KDM4C: variants seen among roughly 807,000 people sequenced by gnomAD.
KDM4C encodes lysine demethylase 4C.
A neutral mutation model predicts 129.3 loss-of-function variants in KDM4C; 81 were observed. That is an observed-to-expected ratio of 0.63 (90% CI 0.52 to 0.75). The LOEUF is 0.75. KDM4C is among the 30% of genes least tolerant of loss of function. The pLI is 0.00. For missense variants in KDM4C, 1,457 were observed against 1,304.0 expected (o/e 1.12, Z -1.81); for synonymous variants, 573 against 456.1 (o/e 1.26, Z -3.26).
At chr9:7,120,993 A>C (rs1301373420) in intron 18 of KDM4C, among the ~76,000 whole-genome samples, 1 of 152,224 alleles carries the variant, frequency 6.6e-6, no homozygotes, top group Non-Finnish European at 1.5e-5. Flanking sequence ...TCCATGAAAA[A>C]TACAGAGAAA....
chr9:6,757,731 C>T (rs754524308), upstream of KDM4C: 34 of 985,640 alleles, frequency 3.4e-5, no homozygotes, highest in Non-Finnish European at 4.0e-5. Flanking sequence ...CGCTTCCGGG[C>T]AAGGTTCTGT....
At chr9:6,755,693 T>C (rs1054455062), upstream of KDM4C, among the ~76,000 whole-genome samples, 5 of 152,208 alleles carry the variant, frequency 3.3e-5, no homozygotes, top group Admixed American at 6.5e-5. Flanking sequence ...TATATTGCAA[T>C]TGGGATTTAA....
At chr9:6,940,248 G>T (rs1350830553) in intron 8 of KDM4C, among the ~76,000 whole-genome samples, 1 of 152,076 alleles carries the variant, frequency 6.6e-6, no homozygotes, top group African/African-American at 2.4e-5. Context: ...GTGCCATCAT[G>T]ACCAGCTAAT....
intron 1 of KDM4C, among the ~76,000 whole-genome samples, chr9:6,732,905 G>A (rs1231778924): frequency 6.6e-6 from 1 of 152,140 alleles, no homozygotes; most frequent in Admixed American, 6.6e-5. Flanking sequence ...CCCAGCTACT[G>A]GGGAGGCTGA....
At chr9:6,820,280 G>GA (rs1275092092) in intron 4 of KDM4C, among the ~76,000 whole-genome samples, 1 of 152,184 alleles carries the variant, frequency 6.6e-6, no homozygotes, top group African/African-American at 2.4e-5. Context: ...TGAAAGGAGA[G>GA]AGAGTGAAAG....
At chr9:6,894,460 C>T (rs1377865689) in intron 8 of KDM4C, among the ~76,000 whole-genome samples, 1 of 152,194 alleles carries the variant, frequency 6.6e-6, no homozygotes, top group African/African-American at 2.4e-5. Flanking sequence ...GTAATGCTTG[C>T]ATCTGCCTTG....
intron 12 of KDM4C, among the ~76,000 whole-genome samples, chr9:7,005,582 C>T (rs1185398928): frequency 6.6e-6 from 1 of 152,104 alleles, no homozygotes; most frequent in African/African-American, 2.4e-5. Flanking sequence ...TTTGCAAACT[C>T]TCAAGGCTTC....
intron 10 of KDM4C, among the ~76,000 whole-genome samples, chr9:6,985,631 A>C (rs1365949172): frequency 6.6e-6 from 1 of 152,202 alleles, no homozygotes; most frequent in African/African-American, 2.4e-5. Flanking sequence ...AATTACAACA[A>C]ATGCAGAATA....
intron 17 of KDM4C, chr9:7,077,076 C>G (rs957389870): frequency 6.6e-5 from 65 of 985,380 alleles, no homozygotes; most frequent in Non-Finnish European, 6.9e-5. Flanking sequence ...AAAACTATCA[C>G]TCATTCATCA....
At chr9:6,978,953 T>A (rs1382377936) in intron 8 of KDM4C, 1 of 152,060 alleles carries the variant, frequency 6.6e-6, no homozygotes, top group Non-Finnish European at 1.5e-5. Context: ...AAGGTTTTTT[T>A]TTCTGAGACA....
Position 7,049,147 on chromosome 9 carries a change from C to T in KDM4C, c.2371C>T (p.Pro791Ser), listed in dbSNP as rs1829815057. 6.2e-7 allele frequency: 1 copy of T among 1,612,244 alleles called. No individual in the cohort carries two copies. The highest frequency in any genetic ancestry group is 1.3e-5 in the African/African-American group (1 of 74,766). Reference sequence around the variant, plus strand: ...CCCAGAAGTTCGATTCACTAATGTCCCAGAAAGGACACAAATAGATGTAGG... The same window carrying T: ...CCCAGAAGTTCGATTCACTAATGTCTCAGAAAGGACACAAATAGATGTAGG... ...AVPEVRFTNV[P>S]ERTQIDVGRI... Residue 791 changes from proline to serine, a missense_variant, in exon 17 of 22, where the codon CCA (proline) becomes TCA (serine). Coordinates refer to ENST00000381309, the MANE Select transcript of KDM4C (RefSeq NM_015061.6).
At chr9:6,786,408 C>T (rs999869765) in intron 1 of KDM4C, among the ~76,000 whole-genome samples, 9 of 152,094 alleles carry the variant, frequency 5.9e-5, no homozygotes, top group African/African-American at 2.2e-4. Context: ...CTATAAATAT[C>T]GTTTTTGCTG....
At chr9:7,061,571 C>A (rs571404972) in intron 17 of KDM4C, among the ~76,000 whole-genome samples, 1 of 152,268 alleles carries the variant, frequency 6.6e-6, no homozygotes, top group South Asian at 2.1e-4. Context: ...GTCAGGTTCT[C>A]TAGAGAAGAC....
intron 19 of KDM4C, among the ~76,000 whole-genome samples, chr9:7,159,961 G>C (rs1043150582): frequency 2.6e-5 from 4 of 152,132 alleles, no homozygotes; most frequent in Admixed American, 6.5e-5. Flanking sequence ...ATCACTTTCA[G>C]GTACACCAAT....
At chr9:6,745,633 C>G (rs1817848857) in intron 1 of KDM4C, among the ~76,000 whole-genome samples, 1 of 148,986 alleles carries the variant, frequency 6.7e-6, no homozygotes, top group Non-Finnish European at 1.5e-5. Context: ...TGTTACATTA[C>G]ATTATATTTT....
Position 6,941,255 on chromosome 9 carries a change from G to A in KDM4C, c.922-39670G>A, listed in dbSNP as rs1589224418. ...AACTCCTGACCTCAAGTGATCTGCCGGCCTCAGCCTCCCAGAGTTCTGGGA... is the reference window on the plus strand; with the variant it reads ...AACTCCTGACCTCAAGTGATCTGCCAGCCTCAGCCTCCCAGAGTTCTGGGA... On this transcript the variant is annotated intron_variant, in intron 8 of 21. Transcript: ENST00000381309. Among the ~76,000 whole-genome samples, 3 of 152,034 alleles carry A rather than the reference G, an allele frequency of 2.0e-5. 1 individual carries two copies. The highest frequency in any genetic ancestry group is 7.2e-5 in the African/African-American group (3 of 41,470).
chr9:6,767,960 T>C (rs1366941586), intron 1 of KDM4C, among the ~76,000 whole-genome samples: 1 of 152,142 alleles, frequency 6.6e-6, no homozygotes, highest in East Asian at 1.9e-4. Context: ...ACACATAATA[T>C]TTCTTTTAGT....
chr9:6,767,822 T>A (rs1314648894), intron 1 of KDM4C, among the ~76,000 whole-genome samples: 1 of 152,190 alleles, frequency 6.6e-6, no homozygotes, highest in East Asian at 1.9e-4. Flanking sequence ...CATAAAGTGA[T>A]ACCTCTCAGT....
intron 19 of KDM4C, among the ~76,000 whole-genome samples, chr9:7,157,290 C>G (rs895248595): frequency 9.2e-5 from 14 of 152,192 alleles, no homozygotes; most frequent in Admixed American, 5.9e-4. Context: ...ACAATTATGT[C>G]ATGTGCAGAC....
Sources: allele counts gnomAD v4.1 joint callset (sites outside exome capture counted in the v4.1 genomes callset), GRCh38; gene constraint gnomAD v4.1.1; transcripts MANE v1.5; gene names NCBI Gene and HGNC (gene_info 2026-07-23, HGNC 2026-07-21).